NTNG1: variants seen among roughly 807,000 people sequenced by gnomAD.
The protein encoded by NTNG1 is netrin-G1.
In NTNG1, 16 loss-of-function variants were observed where a neutral mutation model predicts 54.0. The ratio of observed to expected loss-of-function variants is 0.30; its 90% CI spans 0.20 to 0.45. The LOEUF (loss-of-function observed/expected upper bound fraction) is 0.45. Ranked by LOEUF, NTNG1 falls within the 20% of genes least tolerant of loss-of-function variation. NTNG1 has a pLI of 1.00. For synonymous variants in NTNG1, 255 were observed against 263.1 expected, an observed-to-expected ratio of 0.97 and a Z score of 0.30; for missense variants, 530 against 678.7, an observed-to-expected ratio of 0.78 and a Z score of 2.43.
chr1:107,314,526 T>A (rs929538475), intron 2 of NTNG1, among the ~76,000 whole-genome samples: 7 of 151,490 alleles, frequency 4.6e-5, no homozygotes, highest in Admixed American at 3.9e-4. Flanking sequence ...AATGAGTGAG[T>A]ATTGCCTACA....
In NTNG1 at chr1:107,189,350, C is replaced by CAAAAAA. The variant is rs34104583; in HGVS notation, c.246+40522_246+40527dup. On this transcript the variant is annotated intron_variant, in intron 2 of 7. Coordinates refer to ENST00000370068, the MANE Select transcript of NTNG1 (RefSeq NM_001113226.3). ...TGGGTGACAGAGACAGACCTTGTCT[C>CAAAAAA]AAAAAAAAAAAAAAAAGTTTGGGTG... Among the ~76,000 whole-genome samples the CAAAAAA allele has an allele frequency of 2.7e-4, 31 of 113,088 alleles. 2 individuals carry two copies. The East Asian group carries it at 2.9e-3, about 11-fold the overall frequency. The allele number at this position is 113,088 out of a possible 152,430, so 74.2% of individuals were successfully genotyped here.
At position 107,312,642 on chromosome 1, in the gene NTNG1, G is replaced by A. The variant is rs375383258; in HGVS notation, c.247-11640G>A. 4.0e-4 allele frequency among the ~76,000 whole-genome samples: 61 copies of A among 152,170 alleles called. No homozygotes were observed. In the South Asian group the frequency reaches 6.6e-3, roughly 17 times the overall value. On this transcript the variant is annotated intron_variant, in intron 2 of 7. Transcript: ENST00000370068. Reference sequence around the variant, plus strand: ...GGCTACTTGCATGCAGATGATCTAAGGTACTTTCTAAATACAGGTTCCTGG... The same window carrying A: ...GGCTACTTGCATGCAGATGATCTAAAGTACTTTCTAAATACAGGTTCCTGG...
intron 3 of NTNG1, chr1:107,328,885 A>T (rs1193532295): frequency 6.6e-6 from 1 of 152,166 alleles, no homozygotes; most frequent in Non-Finnish European, 1.5e-5. Flanking sequence ...ATATCAAGGT[A>T]CTGATTTTAG....
intron 1 of NTNG1, among the ~76,000 whole-genome samples, chr1:107,144,963 C>G (rs1196996965): frequency 6.6e-6 from 1 of 152,000 alleles, no homozygotes; most frequent in Non-Finnish European, 1.5e-5. Flanking sequence ...TCTTATGAAT[C>G]TGTTCTTATT....
At chr1:107,427,358 A>T (rs1674978275) in intron 5 of NTNG1, among the ~76,000 whole-genome samples, 1 of 152,030 alleles carries the variant, frequency 6.6e-6, no homozygotes, top group African/African-American at 2.4e-5. Flanking sequence ...AGGTCATGGG[A>T]GGTCAGTGAT....
chr1:107,469,296 T>C (rs1239802949), intron 7 of NTNG1, among the ~76,000 whole-genome samples: 1 of 152,146 alleles, frequency 6.6e-6, no homozygotes, highest in East Asian at 1.9e-4. Context: ...TTGACAATCA[T>C]GGTATCCAAC....
intron 2 of NTNG1, among the ~76,000 whole-genome samples, chr1:107,294,631 A>G (rs1421580526): frequency 6.6e-6 from 1 of 152,206 alleles, no homozygotes; most frequent in African/African-American, 2.4e-5. Flanking sequence ...AGACAGCTAA[A>G]TATGGTAGTT....
At chr1:107,283,174 C>T (rs764150910) in intron 2 of NTNG1, among the ~76,000 whole-genome samples, 1 of 152,106 alleles carries the variant, frequency 6.6e-6, no homozygotes, top group African/African-American at 2.4e-5. Context: ...AGAGTAGCAC[C>T]CAGTCTTTCC....
Position 107,148,832 on chromosome 1 carries a change from G to A in NTNG1, c.239G>A (p.Cys80Tyr). ...ITCGDPPETF[C>Y]AMGNPYMCNN... ...TGTGGAGACCCTCCTGAGACGTTCT[G>A]TGCAATGGTGAGGTAACCCTTTTGC... is the stretch of plus-strand genomic sequence containing the variant. The change falls in exon 2 of 8, where the codon TGT becomes TAT. Residue 80 changes from cysteine (C) to tyrosine (Y), a missense_variant. Cys to Tyr is a radical substitution (Grantham distance 194). Around this residue, in one of 2 missense-constraint regions of NTNG1, gnomAD observed 318 missense variants for 465.1 expected, o/e 0.68. Coordinates refer to ENST00000370068, the MANE Select transcript of NTNG1 (RefSeq NM_001113226.3). 6.2e-7 allele frequency: 1 copy of A among 1,613,262 alleles called. No individual in the cohort carries two copies. The highest frequency in any genetic ancestry group is 8.5e-7 in the Non-Finnish European group (1 of 1,179,384).
At chr1:107,233,643 A>G (rs1167813960) in intron 2 of NTNG1, among the ~76,000 whole-genome samples, 3 of 152,292 alleles carry the variant, frequency 2.0e-5, no homozygotes, top group South Asian at 4.1e-4. Context: ...TGTTCCCCAC[A>G]TCTAGAAGCC....
intron 2 of NTNG1, among the ~76,000 whole-genome samples, chr1:107,289,696 TAA>T (rs570340110): frequency 6.6e-6 from 1 of 152,170 alleles, no homozygotes; most frequent in Non-Finnish European, 1.5e-5. Context: ...AAAGAAGAGA[TAA>T]CGTGTCTTGT....
intron 3 of NTNG1, among the ~76,000 whole-genome samples, chr1:107,338,136 C>T (rs1668695221): frequency 6.6e-6 from 1 of 151,768 alleles, no homozygotes; most frequent in African/African-American, 2.4e-5. Flanking sequence ...ACCATCTGTG[C>T]ATAAAATGGT....
chr1:107,406,451 C>G lies in NTNG1; in HGVS notation c.1061-1231C>G, dbSNP rs147953432. 2.5e-3 allele frequency among the ~76,000 whole-genome samples: 387 copies of G among 152,246 alleles called. 6 individuals are homozygous for G. Among genetic ancestry groups the G allele is most frequent in the Admixed American group, 0.022 (343 of 15,278 alleles). On this transcript the variant is annotated intron_variant, in intron 4 of 7. Transcript: ENST00000370068. Reference sequence around the variant, plus strand: ...TATGGATTATCTCATTCGATCCTCACGGCAGCCCTATGCAGTAGATCTTAT... The same window carrying G: ...TATGGATTATCTCATTCGATCCTCAGGGCAGCCCTATGCAGTAGATCTTAT...
intron 5 of NTNG1, among the ~76,000 whole-genome samples, chr1:107,423,782 T>C (rs189413758): frequency 4.3e-4 from 65 of 152,296 alleles, no homozygotes; most frequent in Non-Finnish European, 7.2e-4. Flanking sequence ...CTAACTCAGC[T>C]GTAGCTTGTT....
intron 2 of NTNG1, among the ~76,000 whole-genome samples, chr1:107,312,939 A>G (rs1487246393): frequency 6.6e-6 from 1 of 152,080 alleles, no homozygotes; most frequent in Non-Finnish European, 1.5e-5. Context: ...TGATGCTCAT[A>G]GCCTGCTAAT....
At chr1:107,419,028 G>A (rs1674405258) in intron 5 of NTNG1, among the ~76,000 whole-genome samples, 1 of 151,948 alleles carries the variant, frequency 6.6e-6, no homozygotes, top group South Asian at 2.1e-4. Flanking sequence ...CAGTTGTACT[G>A]AGGGTCTGGG....
Position 107,432,143 on chromosome 1 carries a change from G to A in NTNG1, c.1255+1226G>A, listed in dbSNP as rs1048843838. 3.3e-5 allele frequency among the ~76,000 whole-genome samples: 5 copies of A among 152,150 alleles called. No individual in the cohort carries two copies. In the East Asian group the frequency reaches 5.8e-4, roughly 18 times the overall value. ...GCCAGAAAGCTAGGCTCAAATTTCC[G>A]TTTGCTAGCTCATGGCTGTGTGCCA... On this transcript the variant is annotated intron_variant, in intron 6 of 7. Coordinates refer to ENST00000370068, the MANE Select transcript of NTNG1 (RefSeq NM_001113226.3).
At chr1:107,178,572 T>G (rs1391262805) in intron 2 of NTNG1, among the ~76,000 whole-genome samples, 1 of 152,098 alleles carries the variant, frequency 6.6e-6, no homozygotes. Flanking sequence ...AATTAACTTA[T>G]AAAGAAAAAG....
chr1:107,477,342 C>T (rs1004491173), intron 7 of NTNG1, among the ~76,000 whole-genome samples: 4 of 152,120 alleles, frequency 2.6e-5, no homozygotes, highest in African/African-American at 4.8e-5. Context: ...TGTGAAGGGC[C>T]GTTGCTGGGC....
Sources: allele counts gnomAD v4.1 joint callset (sites outside exome capture counted in the v4.1 genomes callset), GRCh38; gene constraint gnomAD v4.1.1; regional missense constraint gnomAD v4.1.1; transcripts MANE v1.5; gene names NCBI Gene and HGNC (gene_info 2026-07-23, HGNC 2026-07-21).